Variants in ZFYVE28 observed in about 807,000 individuals in gnomAD.
ZFYVE28 encodes lateral signaling target protein 2 homolog.
A neutral mutation model predicts 82.1 loss-of-function variants in ZFYVE28; 40 were observed. The ratio of observed to expected loss-of-function variants is 0.49; its 90% CI spans 0.38 to 0.63. The LOEUF is 0.63. Ranked by LOEUF, ZFYVE28 falls within the 30% of genes least tolerant of loss-of-function variation. ZFYVE28 has a pLI of 0.00. For missense variants in ZFYVE28, 1,321 were observed against 1,242.1 expected, an observed-to-expected ratio of 1.06 and a Z score of -0.96; for synonymous variants, 612 against 546.1, an observed-to-expected ratio of 1.12 and a Z score of -1.68.
chr4:2,330,347 T>C (rs1291036324), intron 6 of ZFYVE28: 2 of 995,112 alleles, frequency 2.0e-6, no homozygotes, highest in East Asian at 1.1e-4. Context: ...GGGTGAGCGG[T>C]GCAGTGGTGG....
chr4:2,328,955 G>A (rs951842064), intron 6 of ZFYVE28: 4 of 505,032 alleles, frequency 7.9e-6, no homozygotes, highest in Admixed American at 3.2e-5. Context: ...GTTTATTTAT[G>A]GCTTCTCAAT....
chr4:2,400,876 G>A (rs1010722188), intron 1 of ZFYVE28, among the ~76,000 whole-genome samples: 2 of 152,166 alleles, frequency 1.3e-5, no homozygotes, highest in African/African-American at 2.4e-5. Flanking sequence ...TTGGCAGCAC[G>A]CACACAGACA....
intron 1 of ZFYVE28, among the ~76,000 whole-genome samples, chr4:2,399,615 G>A (rs575146711): frequency 6.6e-5 from 10 of 152,308 alleles, no homozygotes; most frequent in African/African-American, 2.2e-4. Flanking sequence ...TTTTAACTCC[G>A]TGCCCGTTTT....
intron 1 of ZFYVE28, among the ~76,000 whole-genome samples, chr4:2,384,116 G>T (rs1729004951): frequency 6.6e-6 from 1 of 152,206 alleles, no homozygotes; most frequent in Admixed American, 6.5e-5. Flanking sequence ...AGTAGATGCA[G>T]TGTTGGGTTC....
At chr4:2,350,292 A>G (rs375613892) in intron 2 of ZFYVE28, among the ~76,000 whole-genome samples, 34 of 151,994 alleles carry the variant, frequency 2.2e-4, no homozygotes, top group East Asian at 3.9e-4. Flanking sequence ...GTGAAACCCC[A>G]TCTCTACTAA....
intron 6 of ZFYVE28, among the ~76,000 whole-genome samples, chr4:2,324,139 C>A (rs1237410246): frequency 6.6e-6 from 1 of 152,138 alleles, no homozygotes; most frequent in Non-Finnish European, 1.5e-5. Flanking sequence ...ATTGTGGGGG[C>A]TGGAAAGTCC....
At chr4:2,293,661 G>C (rs374432197) in intron 8 of ZFYVE28, among the ~76,000 whole-genome samples, 53 of 149,576 alleles carry the variant, frequency 3.5e-4, no homozygotes, top group Middle Eastern at 7.0e-3. Context: ...GCTGAGGCAG[G>C]AGAATGGCGT....
chr4:2,380,632 T>G (rs1578323237), intron 1 of ZFYVE28, among the ~76,000 whole-genome samples: 1 of 152,342 alleles, frequency 6.6e-6, no homozygotes, highest in African/African-American at 2.4e-5. Context: ...ACTCTCGTAA[T>G]TCCCACGTGT....
chr4:2,394,820 G>A lies in ZFYVE28; in HGVS notation c.39+23465C>T, dbSNP rs911244112. 2.0e-5 allele frequency among the ~76,000 whole-genome samples: 3 copies of A among 152,246 alleles called. No individual in the cohort carries two copies. The highest frequency in any genetic ancestry group is 2.1e-4 in the South Asian group (1 of 4,836). On this transcript the variant is annotated intron_variant, in intron 1 of 12. Coordinates refer to ENST00000290974, the MANE Select transcript of ZFYVE28 (RefSeq NM_020972.3). This position sits in a 1 kb window ranked among gnomAD's most constrained non-coding sequence, Gnocchi z 4.0. ...TCCTTGCAGCAACCCTGGTGCCAGC[G>A]GCAGATGCCAGCACCCAGCACAGTG... is the stretch of plus-strand genomic sequence containing the variant.
At chr4:2,350,011 C>A (rs1724126353) in intron 2 of ZFYVE28, among the ~76,000 whole-genome samples, 1 of 148,112 alleles carries the variant, frequency 6.8e-6, no homozygotes, top group Non-Finnish European at 1.5e-5. Context: ...GGAATTCTAG[C>A]TAGTTCAATA....
chr4:2,354,966 G>A (rs1477730138), intron 1 of ZFYVE28, among the ~76,000 whole-genome samples: 2 of 151,310 alleles, frequency 1.3e-5, no homozygotes, highest in African/African-American at 2.4e-5. Flanking sequence ...GAAACTCTAC[G>A]CTCAGAGGTT....
At chr4:2,337,264 TG>T in intron 5 of ZFYVE28, 142 bp downstream of exon 5, 1 of 645,030 alleles carries the variant, frequency 1.6e-6, no homozygotes. Flanking sequence ...GGATGTAGTG[TG>T]GGAAGACACG....
chr4:2,405,845 C>T (rs1453596580), intron 1 of ZFYVE28, among the ~76,000 whole-genome samples: 1 of 151,966 alleles, frequency 6.6e-6, no homozygotes, highest in Non-Finnish European at 1.5e-5. Flanking sequence ...GTCAGGAGTT[C>T]GAGACCACCC....
Position 2,362,598 on chromosome 4 carries a change from C to T in ZFYVE28, c.40-8525G>A, listed in dbSNP as rs943882036. 1.2e-4 allele frequency among the ~76,000 whole-genome samples: 19 copies of T among 152,228 alleles called. No individual in the cohort carries two copies. Among genetic ancestry groups the T allele is most frequent in the African/African-American group, 4.1e-4 (17 of 41,570 alleles). On this transcript the variant is annotated intron_variant, in intron 1 of 12. Transcript: ENST00000290974. This position sits in a 1 kb window ranked among gnomAD's most constrained non-coding sequence, Gnocchi z 5.1. ...ATGTCCCCAAGGCAGGCCTCATCCACAGCAGACACCCCAGGGGCTGCCAGG... is the reference window on the plus strand; with the variant it reads ...ATGTCCCCAAGGCAGGCCTCATCCATAGCAGACACCCCAGGGGCTGCCAGG...
intron 4 of ZFYVE28, among the ~76,000 whole-genome samples, chr4:2,338,192 C>T (rs1722159915): frequency 6.6e-6 from 1 of 152,258 alleles, no homozygotes; most frequent in Non-Finnish European, 1.5e-5. Flanking sequence ...GGAAGCCAGC[C>T]CAGGCTGGGC....
At chr4:2,329,334 T>G (rs1720335892) in intron 6 of ZFYVE28, among the ~76,000 whole-genome samples, 1 of 152,248 alleles carries the variant, frequency 6.6e-6, no homozygotes, top group Admixed American at 6.5e-5. Context: ...TTTCACCTTC[T>G]TGATTAAATT....
intron 1 of ZFYVE28, among the ~76,000 whole-genome samples, chr4:2,385,358 T>C (rs1729144057): frequency 6.6e-6 from 1 of 151,206 alleles, no homozygotes; most frequent in African/African-American, 2.4e-5. Flanking sequence ...CTGCTGCCCT[T>C]ACAGCCCCAG....
intron 8 of ZFYVE28, among the ~76,000 whole-genome samples, chr4:2,293,670 G>A (rs940609808): frequency 1.0e-4 from 15 of 148,760 alleles, no homozygotes; most frequent in Non-Finnish European, 1.0e-4. Flanking sequence ...GGAGAATGGC[G>A]TGAACCCAGG....
chr4:2,352,793 AC>A (rs2108881225), intron 2 of ZFYVE28, among the ~76,000 whole-genome samples: 1 of 152,300 alleles, frequency 6.6e-6, no homozygotes, highest in South Asian at 2.1e-4. Flanking sequence ...CTGTCAGTCA[AC>A]AAAAAAGCAC....
Sources: allele counts gnomAD v4.1 joint callset (sites outside exome capture counted in the v4.1 genomes callset), GRCh38; gene constraint gnomAD v4.1.1; non-coding constraint Gnocchi (gnomAD v3.1); transcripts MANE v1.5; gene names NCBI Gene and HGNC (gene_info 2026-07-23, HGNC 2026-07-21).